The following ZNF79 variants were observed in gnomAD, a reference collection of about 807,000 sequenced individuals.
ZNF79 encodes the protein ZNFpT7.
In ZNF79, 13 loss-of-function variants were observed where a neutral mutation model predicts 14.9. That is an observed-to-expected ratio of 0.87 (90% CI 0.57 to 1.38). ZNF79 has a LOEUF of 1.38. Ranked by LOEUF, ZNF79 falls within the 40% of genes most tolerant of loss-of-function variation. The probability of loss-of-function intolerance (pLI) is 0.00; values close to 1 mark genes in which losing one functional copy is unlikely to be tolerated. For synonymous variants in ZNF79, 223 were observed against 235.1 expected (o/e 0.95, Z 0.47); for missense variants, 631 against 630.6 (o/e 1.00, Z -0.01).
At chr9:127,430,743 T>C (rs912977473) in intron 2 of ZNF79, among the ~76,000 whole-genome samples, 2 of 152,250 alleles carry the variant, frequency 1.3e-5, no homozygotes, top group African/African-American at 2.4e-5. Context: ...AACAAGCGCA[T>C]GCATGCGTCT....
At position 127,437,338 on chromosome 9, in the gene ZNF79, G is replaced by GCC. The variant is rs11423510; in HGVS notation, c.328+1343_328+1344dup. On this transcript the variant is annotated intron_variant, in intron 4 of 4. Transcript: ENST00000342483. ...GGCCCTGCTGCTTCCTTCTCTCAAG[G>GCC]CCCCCCCCCGCTGCCTGGGCATCTC... Among the ~76,000 whole-genome samples, 1,274 of 149,076 alleles carry GCC rather than the reference G, an allele frequency of 8.5e-3. 5 individuals carry two copies. The highest frequency in any genetic ancestry group is 0.014 in the Middle Eastern group (4 of 288).
chr9:127,433,239 G>A (rs1156987178), intron 2 of ZNF79, among the ~76,000 whole-genome samples: 1 of 152,172 alleles, frequency 6.6e-6, no homozygotes, highest in Non-Finnish European at 1.5e-5. Context: ...TAGGGGAGTG[G>A]AAATAATCGG....
intron 1 of ZNF79, among the ~76,000 whole-genome samples, chr9:127,428,080 A>G (rs550115746): frequency 1.3e-5 from 2 of 152,154 alleles, no homozygotes; most frequent in South Asian, 4.1e-4. Context: ...TCCCTGGCTC[A>G]AGCGATCCTC....
chr9:127,444,582 G>A lies in ZNF79; in HGVS notation c.882G>A (p.Gln294=). 6.2e-7 allele frequency: 1 copy of A among 1,613,958 alleles called. No individual in the cohort carries two copies. Among genetic ancestry groups the A allele is most frequent in the Non-Finnish European group, 8.5e-7 (1 of 1,179,982 alleles). ...KAFSDCSALV[Q]HQRIHTGEKP... is the part of the protein sequence containing the mutation. ...TCAGTGACTGCTCAGCTCTTGTTCA[G>A]CATCAGAGAATTCATACCGGAGAGA... The change falls in exon 5 of 5, where the codon CAG becomes CAA. Residue 294 remains glutamine (Q), a synonymous_variant. Coordinates refer to ENST00000342483, the MANE Select transcript of ZNF79 (RefSeq NM_007135.3).
chr9:127,437,384 C>G (rs1833969716), intron 4 of ZNF79, among the ~76,000 whole-genome samples: 1 of 151,326 alleles, frequency 6.6e-6, no homozygotes, highest in Non-Finnish European at 1.5e-5. Flanking sequence ...ATAGTCTATA[C>G]AGAGGACTGA....
chr9:127,428,732 G>T, intron 1 of ZNF79, 100 bp from the exon 2 acceptor site: 1 of 1,287,950 alleles, frequency 7.8e-7, no homozygotes. Flanking sequence ...TGCAGATTCA[G>T]CCCACGTGCC....
intron 4 of ZNF79, among the ~76,000 whole-genome samples, chr9:127,438,668 G>A (rs1285906201): frequency 6.6e-6 from 1 of 152,172 alleles, no homozygotes; most frequent in East Asian, 1.9e-4. Flanking sequence ...CTTCCTCCAG[G>A]GTATGGGGCA....
Position 127,445,266 on chromosome 9 carries a change from G to T in ZNF79, c.*69G>T. The T allele has an allele frequency of 6.5e-7, 1 of 1,531,116 alleles. No homozygotes were observed. The highest frequency in any genetic ancestry group is 1.7e-4 in the Middle Eastern group (1 of 5,768). The allele number at this position is 1,531,116 out of a possible 1,614,324, so 94.8% of individuals were successfully genotyped here. On this transcript the variant is annotated 3_prime_UTR_variant, in exon 5 of 5. Coordinates refer to ENST00000342483, the MANE Select transcript of ZNF79 (RefSeq NM_007135.3). ...TCAGGACAGGTGGGTGAGGATCTGA[G>T]AAATGCTAAAGGCTTGAAAGCATCT...
intron 4 of ZNF79, among the ~76,000 whole-genome samples, chr9:127,442,542 G>C (rs1304890078): frequency 2.0e-5 from 3 of 152,134 alleles, no homozygotes; most frequent in Non-Finnish European, 2.9e-5. Flanking sequence ...GGATGTGAAG[G>C]CCGAGGGCAT....
At chr9:127,427,998 T>G (rs1172584688) in intron 1 of ZNF79, among the ~76,000 whole-genome samples, 1 of 152,178 alleles carries the variant, frequency 6.6e-6, no homozygotes, top group Admixed American at 6.5e-5. Context: ...TCTTTTTTTT[T>G]GAGATAGTGT....
chr9:127,439,742 T>C (rs1315109698), intron 4 of ZNF79, among the ~76,000 whole-genome samples: 1 of 152,264 alleles, frequency 6.6e-6, no homozygotes, highest in Non-Finnish European at 1.5e-5. Context: ...AAGCATTTGG[T>C]ACATACCTGG....
At chr9:127,425,633 C>T (rs776880166) in intron 1 of ZNF79, among the ~76,000 whole-genome samples, 2 of 152,148 alleles carry the variant, frequency 1.3e-5, no homozygotes, top group Non-Finnish European at 2.9e-5. Context: ...CGCTCTGTCG[C>T]CGAGGCTGGA....
chr9:127,440,756 G>A (rs1385405417), intron 4 of ZNF79, among the ~76,000 whole-genome samples: 1 of 152,194 alleles, frequency 6.6e-6, no homozygotes, highest in Non-Finnish European at 1.5e-5. Context: ...ATGGTGGCCT[G>A]TAAGAGAGGG....
intron 4 of ZNF79, among the ~76,000 whole-genome samples, chr9:127,441,711 C>T (rs980439478): frequency 7.2e-5 from 11 of 151,858 alleles, no homozygotes; most frequent in Admixed American, 1.3e-4. Context: ...TTTGGGAGGC[C>T]GAGGCAGGCA....
rs1377546066 is a variant in ZNF79, at chr9:127,444,222, A to G, written c.522A>G (p.Thr174=). 9 of 1,614,162 alleles carry G rather than the reference A, an allele frequency of 5.6e-6. No individual in the cohort carries two copies. The highest frequency in any genetic ancestry group is 7.6e-6 in the Non-Finnish European group (9 of 1,180,020). The part of the protein sequence containing the change: ...PVEARPRKCE[T]HTESFKNSEI... Reference sequence around the variant, plus strand: ...AAGCGAGACCTCGCAAATGTGAGACACACACCGAGAGCTTCAAGAACTCGG... The same window carrying G: ...AAGCGAGACCTCGCAAATGTGAGACGCACACCGAGAGCTTCAAGAACTCGG... The change falls in exon 5 of 5, where the codon ACA becomes ACG. Residue 174 remains threonine, a synonymous_variant. Coordinates refer to ENST00000342483, the MANE Select transcript of ZNF79 (RefSeq NM_007135.3).
intron 4 of ZNF79, among the ~76,000 whole-genome samples, chr9:127,443,198 T>G (rs1232621471): frequency 6.6e-6 from 1 of 152,086 alleles, no homozygotes; most frequent in Non-Finnish European, 1.5e-5. Flanking sequence ...CCCAGCACTT[T>G]GGGAGGCTGA....
At chr9:127,428,004 A>G (rs1330712112) in intron 1 of ZNF79, among the ~76,000 whole-genome samples, 1 of 151,538 alleles carries the variant, frequency 6.6e-6, no homozygotes, top group African/African-American at 2.4e-5. Flanking sequence ...TTTTTGAGAT[A>G]GTGTCTCACT....
intron 4 of ZNF79, among the ~76,000 whole-genome samples, chr9:127,440,019 C>T (rs1273866214): frequency 2.6e-5 from 4 of 152,244 alleles, no homozygotes; most frequent in Admixed American, 2.0e-4. Context: ...CCCACCACCA[C>T]GCCCGGCTAA....
rs767504535 is a variant in ZNF79 at position 127,444,474 on chromosome 9, C to A, written c.774C>A (p.Phe258Leu). 6.2e-7 allele frequency: 1 copy of A among 1,610,280 alleles called. No homozygotes were observed. The highest frequency in any genetic ancestry group is 8.5e-7 in the Non-Finnish European group (1 of 1,176,690). The change falls in exon 5 of 5, where the codon TTC (phenylalanine) becomes TTA (leucine). Residue 258 changes from phenylalanine to leucine, a missense_variant. Transcript: ENST00000342483. ...PYKCSECGRA[F>L]SQNANLTKHQ... The stretch of plus-strand genomic sequence containing the variant: ...AGTGCAGTGAATGTGGAAGAGCCTT[C>A]AGCCAGAACGCCAACCTCACCAAAC...
Sources: gnomAD v4.1 joint callset for allele counts (sites outside exome capture counted in the v4.1 genomes callset) on GRCh38, gnomAD v4.1.1 for gene constraint, MANE v1.5 for transcripts, NCBI Gene and HGNC (gene_info 2026-07-23, HGNC 2026-07-21) for gene names.